CHRM3: variants seen among roughly 807,000 people sequenced by gnomAD.
The protein encoded by CHRM3 is muscarinic acetylcholine receptor M3.
Under a neutral mutation model 41.8 loss-of-function variants are expected in CHRM3, and 11 were observed. The ratio of observed to expected loss-of-function variants is 0.26; its 90% confidence interval spans 0.17 to 0.44. The LOEUF is 0.44. Among genes scored for constraint, CHRM3 ranks in the 20% least tolerant of loss-of-function variants. CHRM3 has a pLI of 1.00. For synonymous variants in CHRM3, 297 were observed against 301.4 expected (o/e 0.99, Z 0.15); for missense variants, 571 against 745.4 (o/e 0.77, Z 2.72).
intron 5 of CHRM3, among the ~76,000 whole-genome samples, chr1:239,768,049 AAAC>A (rs930841408): frequency 2.6e-5 from 4 of 152,280 alleles, no homozygotes; most frequent in African/African-American, 9.6e-5. Flanking sequence ...GATACGATTA[AAAC>A]AACAACAACA....
intron 4 of CHRM3, among the ~76,000 whole-genome samples, chr1:239,666,269 AC>A (rs1673794395): frequency 2.0e-5 from 3 of 150,556 alleles, no homozygotes; most frequent in Admixed American, 6.6e-5. Context: ...ATCTTGGCTC[AC>A]TGTAACCTCC....
At chr1:239,445,974 G>T (rs1340393446) in intron 1 of CHRM3, among the ~76,000 whole-genome samples, 11 of 151,366 alleles carry the variant, frequency 7.3e-5, no homozygotes, top group South Asian at 2.1e-4. Context: ...GTCTCGCTCT[G>T]TCACCCAGGC....
chr1:239,721,341 CAA>C (rs990313257), intron 5 of CHRM3, among the ~76,000 whole-genome samples: 1 of 151,756 alleles, frequency 6.6e-6, no homozygotes, highest in Admixed American at 6.6e-5. Context: ...CAAGCTCAGG[CAA>C]AGTTACTTAT....
chr1:239,717,305 T>C (rs1270753727), intron 5 of CHRM3, among the ~76,000 whole-genome samples: 1 of 152,112 alleles, frequency 6.6e-6, no homozygotes, highest in Non-Finnish European at 1.5e-5. Context: ...CAGGAAAGCA[T>C]AGAATAGATC....
chr1:239,809,316 G>A (rs946442677), intron 5 of CHRM3, among the ~76,000 whole-genome samples: 94 of 151,976 alleles, frequency 6.2e-4, no homozygotes, highest in Admixed American at 4.6e-3. Context: ...CACCGCACCC[G>A]GCCTCTGAAG....
At chr1:239,771,469 T>A (rs1667666392) in intron 5 of CHRM3, among the ~76,000 whole-genome samples, 1 of 152,070 alleles carries the variant, frequency 6.6e-6, no homozygotes. Flanking sequence ...TCTAGCAAAC[T>A]CTCCTACAGA....
intron 5 of CHRM3, among the ~76,000 whole-genome samples, chr1:239,735,161 GC>G (rs956364840): frequency 1.3e-5 from 2 of 152,144 alleles, no homozygotes; most frequent in Non-Finnish European, 2.9e-5. Context: ...TCTAATGCCA[GC>G]CTCATGGAGA....
At chr1:239,762,291 T>C (rs1030711317) in intron 5 of CHRM3, among the ~76,000 whole-genome samples, 2 of 152,134 alleles carry the variant, frequency 1.3e-5, no homozygotes, top group African/African-American at 4.8e-5. Context: ...AGTTTTGCGG[T>C]TTTTTACTTT....
intron 5 of CHRM3, among the ~76,000 whole-genome samples, chr1:239,753,416 A>C (rs780877859): frequency 1.3e-4 from 20 of 152,190 alleles, no homozygotes; most frequent in Non-Finnish European, 2.9e-4. Context: ...GCCTCAGGAA[A>C]CTTACAATCA....
In CHRM3 at chr1:239,913,846, A is replaced by G. The variant is rs946885237; in HGVS notation, c.*4622A>G. The G allele has an allele frequency of 6.0e-6, 1 of 167,096 alleles. No individual in the cohort carries two copies. Among genetic ancestry groups the G allele is most frequent in the Admixed American group, 6.5e-5 (1 of 15,278 alleles). 10.4% of individuals were successfully genotyped at this position (167,096 alleles called of 1,614,324 possible). On this transcript the variant is annotated 3_prime_UTR_variant, in exon 7 of 7. Transcript: ENST00000676153. ...TTCACAGCTTCGCGCAGAGACGGAT[A>G]GTGTATTTGGATATATGGAAGTCAT...
chr1:239,815,467 A>G (rs1304927463), intron 5 of CHRM3, among the ~76,000 whole-genome samples: 2 of 152,216 alleles, frequency 1.3e-5, no homozygotes, highest in East Asian at 3.9e-4. Flanking sequence ...TGATTTCATA[A>G]GCAATATATA....
intron 3 of CHRM3, among the ~76,000 whole-genome samples, chr1:239,576,516 G>A (rs1317623697): frequency 6.6e-6 from 1 of 151,804 alleles, no homozygotes; most frequent in East Asian, 1.9e-4. Context: ...GCCAAGGCAG[G>A]AGTATTGCTT....
At chr1:239,791,979 AAAG>A (rs1219042532) in intron 5 of CHRM3, among the ~76,000 whole-genome samples, 3 of 152,340 alleles carry the variant, frequency 2.0e-5, no homozygotes, top group East Asian at 3.9e-4. Context: ...CTGGTTTAGA[AAAG>A]AAGAAGACAG....
chr1:239,860,199 C>G (rs963923476), intron 6 of CHRM3, among the ~76,000 whole-genome samples: 2 of 152,110 alleles, frequency 1.3e-5, no homozygotes, highest in Admixed American at 6.6e-5. Flanking sequence ...TCTTCATTTA[C>G]TAGGTCTGTG....
chr1:239,679,137 G>A (rs1263421230), intron 5 of CHRM3, among the ~76,000 whole-genome samples: 1 of 152,042 alleles, frequency 6.6e-6, no homozygotes, highest in African/African-American at 2.4e-5. Context: ...CAATGACTAA[G>A]GGATACTTTA....
intron 3 of CHRM3, among the ~76,000 whole-genome samples, chr1:239,623,498 A>ATTTT (rs532141328): frequency 1.6e-5 from 2 of 126,704 alleles, no homozygotes; most frequent in Non-Finnish European, 3.3e-5. Flanking sequence ...TTTTTTTTTA[A>ATTTT]TTTTTTTTTT....
chr1:239,474,752 A>G (rs1408335670), intron 1 of CHRM3, among the ~76,000 whole-genome samples: 2 of 152,136 alleles, frequency 1.3e-5, no homozygotes, highest in Non-Finnish European at 2.9e-5. Flanking sequence ...ATTTTGTTGC[A>G]GAAGGTGGGC....
At chr1:239,767,222 T>G (rs1453368144) in intron 5 of CHRM3, among the ~76,000 whole-genome samples, 4 of 152,180 alleles carry the variant, frequency 2.6e-5, no homozygotes, top group Non-Finnish European at 4.4e-5. Flanking sequence ...GGATACTGTT[T>G]ATACATGCCT....
At chr1:239,768,712 T>C (rs1667418763) in intron 5 of CHRM3, among the ~76,000 whole-genome samples, 1 of 152,122 alleles carries the variant, frequency 6.6e-6, no homozygotes, top group South Asian at 2.1e-4. Flanking sequence ...CCTTCTCCCA[T>C]ATCAGAAGTC....
Sources: allele counts gnomAD v4.1 joint callset (sites outside exome capture counted in the v4.1 genomes callset), GRCh38; gene constraint gnomAD v4.1.1; transcripts MANE v1.5; gene names NCBI Gene and HGNC (gene_info 2026-07-23, HGNC 2026-07-21).